LRCH1: variants seen among roughly 807,000 people sequenced by gnomAD.
LRCH1 encodes the protein leucine rich repeats and calponin homology domain containing 1.
A neutral mutation model predicts 94.9 loss-of-function variants in LRCH1; 23 were observed. The ratio of observed to expected loss-of-function variants is 0.24; its 90% confidence interval spans 0.17 to 0.34. The LOEUF (loss-of-function observed/expected upper bound fraction) is 0.34. Ranked by LOEUF, LRCH1 falls within the 10% of genes least tolerant of loss-of-function variation. LRCH1 has a pLI of 1.00. For synonymous variants in LRCH1, 364 were observed against 354.9 expected (o/e 1.03, Z -0.29); for missense variants, 790 against 945.9 (o/e 0.84, Z 2.16).
chr13:46,692,147 T>G (rs1712126195), intron 7 of LRCH1, among the ~76,000 whole-genome samples: 2 of 152,136 alleles, frequency 1.3e-5, no homozygotes, highest in African/African-American at 4.8e-5. Context: ...GGAGGGGACA[T>G]ACATCCAAAC....
At chr13:46,751,143 T>C (rs1874117829) in exon 19 of LRCH1, 1 of 152,134 alleles carries the variant, frequency 6.6e-6, no homozygotes, top group Non-Finnish European at 1.5e-5. Context: ...ATAAATATTA[T>C]TTATTAGTGA....
intron 1 of LRCH1, among the ~76,000 whole-genome samples, chr13:46,639,459 G>A (rs969275590): frequency 3.9e-5 from 6 of 152,104 alleles, no homozygotes; most frequent in African/African-American, 1.4e-4. Flanking sequence ...CTGTGGTCTG[G>A]CTGGTAAGAG....
chr13:46,735,705 C>T (rs1873334672), intron 19 of LRCH1, among the ~76,000 whole-genome samples: 1 of 151,928 alleles, frequency 6.6e-6, no homozygotes, highest in Non-Finnish European at 1.5e-5. Flanking sequence ...CTGGCAGTGT[C>T]CCATTTAACT....
chr13:46,704,327 A>C (rs538313058), intron 11 of LRCH1, among the ~76,000 whole-genome samples: 15 of 151,808 alleles, frequency 9.9e-5, no homozygotes, highest in Non-Finnish European at 2.1e-4. Context: ...TTTCTTTTTT[A>C]GTTAAGCCAT....
At chr13:46,723,523 A>AGGCAT (rs1214827239) in intron 17 of LRCH1, among the ~76,000 whole-genome samples, 193 bp downstream of exon 17, 1 of 152,202 alleles carries the variant, frequency 6.6e-6, no homozygotes, top group Non-Finnish European at 1.5e-5. Flanking sequence ...TGTTTTGGCC[A>AGGCAT]GGCATAGTTT....
intron 16 of LRCH1, among the ~76,000 whole-genome samples, chr13:46,720,419 T>C (rs1431521011): frequency 1.3e-5 from 2 of 152,268 alleles, no homozygotes; most frequent in African/African-American, 4.8e-5. Flanking sequence ...TCACCGCCTC[T>C]TCACCTCTTT....
rs562707263 is a variant in LRCH1, at chr13:46,743,510, A to G, written c.*1662A>G. On this transcript the variant is annotated 3_prime_UTR_variant, in exon 20 of 20. Coordinates refer to ENST00000389797, the MANE Select transcript of LRCH1 (RefSeq NM_001164211.2). ...TTTTGGTGCTATCTTGTACTCTTCA[A>G]TCTGTAACACAATAAAATCCCTTTG... 2 of 985,818 alleles carry G rather than the reference A, an allele frequency of 2.0e-6. No homozygotes were observed. Among genetic ancestry groups the G allele is most frequent in the South Asian group, 4.7e-5 (1 of 21,286 alleles). The allele number at this position is 985,818 out of a possible 1,614,324, so 61.1% of individuals were successfully genotyped here. A position where few individuals can be genotyped will look rare whatever the true frequency, so the allele number is the denominator to read the frequency against.
At chr13:46,595,057 T>G (rs768053400) in intron 1 of LRCH1, among the ~76,000 whole-genome samples, 3 of 152,222 alleles carry the variant, frequency 2.0e-5, no homozygotes, top group Non-Finnish European at 2.9e-5. Flanking sequence ...ATGTAATTAT[T>G]AATACCATGA....
chr13:46,734,393 T>C (rs903709265), intron 19 of LRCH1, among the ~76,000 whole-genome samples: 3 of 152,250 alleles, frequency 2.0e-5, no homozygotes, highest in African/African-American at 7.2e-5. Flanking sequence ...AAAGACCTGC[T>C]GATTATTGAT....
intron 1 of LRCH1, among the ~76,000 whole-genome samples, chr13:46,576,477 G>C (rs1832210990): frequency 6.6e-6 from 1 of 152,188 alleles, no homozygotes; most frequent in Non-Finnish European, 1.5e-5. Flanking sequence ...CCAATGATCT[G>C]TGCATATTTT....
rs1420000052 is a variant in LRCH1 at position 46,650,324 on chromosome 13, T to TG, written c.432dup (p.Leu145AlafsTer30). On this transcript the variant is annotated frameshift_variant, in exon 2 of 20. Transcript: ENST00000389797. LOFTEE classifies it high-confidence loss of function. ...CCTGAGGCCATCGTTAATCTGCAGA[T>TG]GCTGACTTACCTGAACTTGAGGTAG... 6.2e-7 allele frequency: 1 copy of TG among 1,606,794 alleles called. No individual in the cohort carries two copies. The highest frequency in any genetic ancestry group is 8.5e-7 in the Non-Finnish European group (1 of 1,176,800).
At chr13:46,746,904 C>T (rs565701950), downstream of LRCH1, among the ~76,000 whole-genome samples, 3 of 152,196 alleles carry the variant, frequency 2.0e-5, no homozygotes, top group Non-Finnish European at 2.9e-5. Flanking sequence ...GAAGCCTCCC[C>T]TTGGCCATCC....
intron 13 of LRCH1, chr13:46,705,554 C>T: frequency 1.7e-6 from 1 of 586,594 alleles, no homozygotes; most frequent in Non-Finnish European, 3.1e-6. Context: ...GATTTTTTTA[C>T]CTCAGATCAT....
Position 46,744,335 on chromosome 13 carries a change from C to T in LRCH1, c.*2487C>T. 1 of 985,362 alleles carries T rather than the reference C, an allele frequency of 1.0e-6. No homozygotes were observed. Among genetic ancestry groups the T allele is most frequent in the Non-Finnish European group, 1.2e-6 (1 of 829,906 alleles). The allele number at this position is 985,362 out of a possible 1,614,324, so 61.0% of individuals were successfully genotyped here. A position where few individuals can be genotyped will look rare whatever the true frequency, so the allele number is the denominator to read the frequency against. On this transcript the variant is annotated 3_prime_UTR_variant, in exon 20 of 20. Transcript: ENST00000389797. Reference sequence around the variant, plus strand: ...CCTTCCAATGTTAGATAAAAGGAGCCAAGTATCTATTTACATTTTATTTTG... The same window carrying T: ...CCTTCCAATGTTAGATAAAAGGAGCTAAGTATCTATTTACATTTTATTTTG...
intron 3 of LRCH1, among the ~76,000 whole-genome samples, chr13:46,670,417 A>G (rs1160216720): frequency 6.6e-6 from 1 of 152,120 alleles, no homozygotes; most frequent in Non-Finnish European, 1.5e-5. Context: ...CTTCCATACA[A>G]CGGCAGAGGT....
chr13:46,750,646 C>T, exon 19 of LRCH1: 5 of 1,546,560 alleles, frequency 3.2e-6, no homozygotes, highest in Non-Finnish European at 3.5e-6. Context: ...GCTCTGTTCA[C>T]ATGAAACTAC....
At chr13:46,607,000 CCTTTA>C (rs1390442134) in intron 1 of LRCH1, among the ~76,000 whole-genome samples, 1 of 152,126 alleles carries the variant, frequency 6.6e-6, no homozygotes, top group African/African-American at 2.4e-5. Context: ...GAGGCCAGAG[CCTTTA>C]CTGGGTTTTT....
intron 3 of LRCH1, among the ~76,000 whole-genome samples, chr13:46,670,902 G>A (rs1264995360): frequency 2.6e-5 from 4 of 152,178 alleles, no homozygotes; most frequent in Non-Finnish European, 4.4e-5. Context: ...GTCGTGCTTG[G>A]GAGTAGGAAG....
At chr13:46,650,403 T>C in intron 2 of LRCH1, 58 bp downstream of exon 2, 3 of 1,430,816 alleles carry the variant, frequency 2.1e-6, no homozygotes, top group Non-Finnish European at 2.8e-6. Context: ...AAACTTATGC[T>C]TTCATTTCTA....
Sources: allele counts gnomAD v4.1 joint callset (sites outside exome capture counted in the v4.1 genomes callset), GRCh38; gene constraint gnomAD v4.1.1; transcripts MANE v1.5; gene names NCBI Gene and HGNC (gene_info 2026-07-23, HGNC 2026-07-21).